Variants in COL9A3 observed in about 807,000 individuals in gnomAD.
The protein encoded by COL9A3 is collagen alpha-3(IX) chain.
A neutral mutation model predicts 110.2 loss-of-function variants in COL9A3; 82 were observed. That is an observed-to-expected ratio of 0.74 (90% CI 0.62 to 0.89). COL9A3 has a LOEUF of 0.89. Ranked by LOEUF, COL9A3 falls within the 40% of genes least tolerant of loss-of-function variation. COL9A3 has a pLI of 0.00. For missense variants in COL9A3, 1,066 were observed against 981.3 expected, an observed-to-expected ratio of 1.09 and a Z score of -1.15; for synonymous variants, 494 against 403.8, an observed-to-expected ratio of 1.22 and a Z score of -2.68.
intron 20 of COL9A3, 45 bp from the exon 21 acceptor site, chr20:62,829,583 C>T (rs1208744346): frequency 1.2e-6 from 2 of 1,610,894 alleles, no homozygotes; most frequent in Non-Finnish European, 8.5e-7. Context: ...GACCTGGCCC[C>T]AGTGCAGGTG....
chr20:62,818,137 C>T (rs1990997013), intron 2 of COL9A3, among the ~76,000 whole-genome samples: 1 of 152,126 alleles, frequency 6.6e-6, no homozygotes, highest in Non-Finnish European at 1.5e-5. Flanking sequence ...CTCGGAGGGA[C>T]CGTCTGGGGT....
Position 62,821,515 on chromosome 20 carries a change from C to G in COL9A3, c.354C>G (p.Gly118=). ...CATGTTTGGCTTTGCAGGGCAAAGG[C>G]CTCCCTGGACCCCCCGTGAGTACTG... The part of the protein sequence containing the change: ...PPGPPGLGGK[G]LPGPPGEAGV... The change falls in exon 7 of 32, where the codon GGC becomes GGG. Residue 118 remains glycine, a synonymous_variant. Transcript: ENST00000649368. The G allele has an allele frequency of 1.9e-6, 3 of 1,612,858 alleles. No individual in the cohort carries two copies. The highest frequency in any genetic ancestry group is 2.5e-6 in the Non-Finnish European group (3 of 1,179,954).
rs562178553 is a variant in COL9A3, at chr20:62,822,102, C to G, written c.424-9C>G. The G allele has an allele frequency of 6.7e-5, 102 of 1,529,892 alleles. 1 individual carries two copies. The South Asian group carries it at 1.1e-3, about 16-fold the overall frequency. The allele number at this position is 1,529,892 out of a possible 1,614,324, so 94.8% of individuals were successfully genotyped here. A position where few individuals can be genotyped will look rare whatever the true frequency, so the allele number is the denominator to read the frequency against. ...GTCCCACTCTGTCTAAGTCATACCC[C>G]CTCCCCAGGGACCTTCTGGACTCCC... On this transcript the variant is annotated splice_polypyrimidine_tract_variant and intron_variant, in intron 8 of 31. Coordinates refer to ENST00000649368, the MANE Select transcript of COL9A3 (RefSeq NM_001853.4).
intron 9 of COL9A3, 56 bp from the exon 10 acceptor site, chr20:62,822,535 T>TG: frequency 7.5e-7 from 1 of 1,338,402 alleles, no homozygotes; most frequent in Admixed American, 2.0e-5. Context: ...GTGGGTTGGG[T>TG]GGCTGCAGGT....
chr20:62,817,012 C>T, upstream of COL9A3: 1 of 1,104,672 alleles, frequency 9.1e-7, no homozygotes, highest in Non-Finnish European at 1.1e-6. Context: ...CCTCCCGCCC[C>T]GCCCGCCCGC....
Position 62,822,158 on chromosome 20 carries a change from A to AC in COL9A3, c.476dup (p.Gly160TrpfsTer8). 1.3e-6 allele frequency: 2 copies of AC among 1,571,876 alleles called. No individual in the cohort carries two copies. Among genetic ancestry groups the AC allele is most frequent in the Non-Finnish European group, 1.8e-6 (2 of 1,142,608 alleles). ...TCCCTGGTCCCCCAGGACCTCCCGG[A>AC]CCCCCTGTAAGTACTGGGCAGAGGC... On this transcript the variant is annotated frameshift_variant, in exon 9 of 32. Transcript: ENST00000649368. LOFTEE classifies it high-confidence loss of function.
At chr20:62,817,526 C>G (rs375878783) in intron 1 of COL9A3, 41 bp from the exon 2 acceptor site, 1 of 1,426,062 alleles carries the variant, frequency 7.0e-7, no homozygotes, top group Non-Finnish European at 9.7e-7. Context: ...GTCAGGCCCA[C>G]GGGGGCACCT....
intron 26 of COL9A3, among the ~76,000 whole-genome samples, 177 bp downstream of exon 26, chr20:62,833,241 C>T (rs2063610222): frequency 6.6e-6 from 1 of 152,202 alleles, no homozygotes; most frequent in South Asian, 2.1e-4. Context: ...CACTGGCCAT[C>T]CCTTAGCAAG....
Position 62,840,462 on chromosome 20 carries a change from G to A in COL9A3, c.1865-80G>A, listed in dbSNP as rs552652359. 1.7e-5 allele frequency: 23 copies of A among 1,315,316 alleles called. No homozygotes were observed. In the East Asian group the frequency reaches 5.3e-4, roughly 30 times the overall value. 81.5% of individuals were successfully genotyped at this position (1,315,316 alleles called of 1,614,324 possible). On this transcript the variant is annotated intron_variant, in intron 31 of 31. Coordinates refer to ENST00000649368, the MANE Select transcript of COL9A3 (RefSeq NM_001853.4). ...AAGAGTGAGCAGATGGAAGAGCAGG[G>A]CTTGCCCACAGCTGGATGTCAAGTC...
chr20:62,824,675 C>G (rs1349060820), intron 11 of COL9A3, among the ~76,000 whole-genome samples, 174 bp downstream of exon 11: 1 of 152,226 alleles, frequency 6.6e-6, no homozygotes, highest in Non-Finnish European at 1.5e-5. Flanking sequence ...CCCAGTGACA[C>G]GCTGATGTGG....
intron 3 of COL9A3, 43 bp downstream of exon 3, chr20:62,818,596 A>G (rs1458040251): frequency 1.9e-6 from 3 of 1,587,842 alleles, no homozygotes; most frequent in Non-Finnish European, 1.7e-6. Flanking sequence ...TCCAGTCTGG[A>G]GAGAAAGGGG....
chr20:62,823,123 G>A (rs548926065), intron 10 of COL9A3, among the ~76,000 whole-genome samples: 1 of 152,346 alleles, frequency 6.6e-6, no homozygotes, highest in South Asian at 2.1e-4. Flanking sequence ...GATCGCTTAA[G>A]CTCAGGAGTT....
rs2063538735 is a variant in COL9A3, at chr20:62,824,979, C to G, written c.588C>G (p.Gly196=). ...ACATTTGCTTGCAGGGACCCACTGG[C>G]TACAAAGGCGAGCAGGGGGAAGTCG... The part of the protein sequence containing the change: ...PGMPGFKGPT[G]YKGEQGEVGK... Residue 196 remains glycine, a synonymous_variant, in exon 12 of 32, where the codon GGC becomes GGG. Transcript: ENST00000649368. 2 of 1,609,920 alleles carry G rather than the reference C, an allele frequency of 1.2e-6. No homozygotes were observed. The highest frequency in any genetic ancestry group is 2.7e-5 in the African/African-American group (2 of 74,580).
At chr20:62,835,807 G>C (rs2063630209) in intron 26 of COL9A3, 114 bp from the exon 27 acceptor site, 3 of 1,033,996 alleles carry the variant, frequency 2.9e-6, no homozygotes, top group African/African-American at 1.6e-5. Context: ...TCAATATTTG[G>C]ATGTAGTCTA....
At chr20:62,830,883 C>T (rs566593625) in intron 24 of COL9A3, among the ~76,000 whole-genome samples, 2 of 147,308 alleles carry the variant, frequency 1.4e-5, no homozygotes, top group East Asian at 2.1e-4. Context: ...CCCTGCGTGG[C>T]GGAGGCAGTG....
chr20:62,840,591 C>T lies in COL9A3; in HGVS notation c.1914C>T (p.Pro638=), dbSNP rs370537452. Reference sequence around the variant, plus strand: ...GCAAGGACGGCCAGGACGGTGCTCCCGGCGAGCCTGGGCCTCCCGGAGATC... The same window carrying T: ...GCAAGGACGGCCAGGACGGTGCTCCTGGCGAGCCTGGGCCTCCCGGAGATC... The part of the protein sequence containing the change: ...GTSKDGQDGA[P]GEPGPPGDPG... The change falls in exon 32 of 32, where the codon CCC becomes CCT. Residue 638 remains proline (P), a synonymous_variant. Transcript: ENST00000649368. 76 of 1,612,972 alleles carry T rather than the reference C, an allele frequency of 4.7e-5. No homozygotes were observed. Among genetic ancestry groups the T allele is most frequent in the Non-Finnish European group, 6.3e-5 (74 of 1,179,928 alleles).
chr20:62,817,013 G>A, upstream of COL9A3: 2 of 1,071,492 alleles, frequency 1.9e-6, no homozygotes, highest in East Asian at 4.1e-5. Flanking sequence ...CTCCCGCCCC[G>A]CCCGCCCGCG....
chr20:62,828,264 G>A (rs973644125), intron 17 of COL9A3, among the ~76,000 whole-genome samples: 3 of 152,172 alleles, frequency 2.0e-5, no homozygotes, highest in South Asian at 2.1e-4. Context: ...CCAGGGTCCC[G>A]GGCACCCATG....
chr20:62,837,617 A>G lies in COL9A3; in HGVS notation c.1786+352A>G, dbSNP rs556275698. 3.1e-3 allele frequency among the ~76,000 whole-genome samples: 473 copies of G among 150,198 alleles called. 2 individuals carry two copies. The highest frequency in any genetic ancestry group is 8.5e-3 in the African/African-American group (343 of 40,418). The stretch of plus-strand genomic sequence containing the variant: ...AGGTCGGGAGTTCAAGACCAGCCTG[A>G]CCAACATGGTGAAACCCTGTCTCTA... On this transcript the variant is annotated intron_variant, in intron 30 of 31. Transcript: ENST00000649368.
Sources: gnomAD v4.1 joint callset for allele counts (sites outside exome capture counted in the v4.1 genomes callset) on GRCh38, gnomAD v4.1.1 for gene constraint, MANE v1.5 for transcripts, NCBI Gene and HGNC (gene_info 2026-07-23, HGNC 2026-07-21) for gene names.